GGH: variants seen among roughly 807,000 people sequenced by gnomAD.
GGH encodes the protein gamma-Glu-X carboxypeptidase.
GGH carries 18 observed loss-of-function variants against 39.2 expected under a neutral mutation model. The ratio of observed to expected loss-of-function variants is 0.46; its 90% confidence interval spans 0.32 to 0.68. The LOEUF is 0.68. GGH is among the 30% of genes least tolerant of loss of function. GGH has a pLI of 0.04. For synonymous variants in GGH, 147 were observed against 138.8 expected, an observed-to-expected ratio of 1.06 and a Z score of -0.42; for missense variants, 367 against 384.1, an observed-to-expected ratio of 0.96 and a Z score of 0.37.
rs758036190 is a variant in GGH, at chr8:63,035,709, A to T, written c.171T>A (p.Ala57=). Residue 57 remains alanine (A), a synonymous_variant, in exon 2 of 9, where the codon GCT becomes GCA. Coordinates refer to ENST00000260118, the MANE Select transcript of GGH (RefSeq NM_003878.3). ...VMKNYGRYYI[A]ASYVKYLESA... The stretch of plus-strand genomic sequence containing the variant: ...ACTCCAAGTACTTTACATAGGACGC[A>T]GCAATATAGTATCTTCCATAGTTTT... 1 of 1,613,738 alleles carries T rather than the reference A, an allele frequency of 6.2e-7. No homozygotes were observed. The highest frequency in any genetic ancestry group is 1.3e-5 in the African/African-American group (1 of 74,842).
intron 8 of GGH, among the ~76,000 whole-genome samples, chr8:63,017,092 G>A (rs367846996): frequency 6.6e-5 from 10 of 152,118 alleles, no homozygotes; most frequent in East Asian, 1.9e-4. Context: ...TCAGGATGCC[G>A]AGGCAGGAGG....
intron 7 of GGH, 100 bp downstream of exon 7, chr8:63,023,807 C>A: frequency 1.1e-6 from 1 of 912,140 alleles, no homozygotes; most frequent in South Asian, 3.4e-5. Flanking sequence ...CACCCCTCTT[C>A]AAGCCCCAAA....
intron 8 of GGH, among the ~76,000 whole-genome samples, 182 bp from the exon 9 acceptor site, chr8:63,015,635 A>G (rs1804473738): frequency 6.8e-6 from 1 of 146,246 alleles, no homozygotes; most frequent in African/African-American, 2.5e-5. Flanking sequence ...TAACAAACTT[A>G]CTTTCCAAAA....
chr8:63,021,204 T>G (rs1804578994), intron 7 of GGH, among the ~76,000 whole-genome samples: 1 of 152,222 alleles, frequency 6.6e-6, no homozygotes, highest in African/African-American at 2.4e-5. Flanking sequence ...GTCTTCATGA[T>G]TCATTCAGTG....
At chr8:63,034,188 C>T (rs1426687913) in intron 2 of GGH, among the ~76,000 whole-genome samples, 1 of 151,430 alleles carries the variant, frequency 6.6e-6, no homozygotes, top group African/African-American at 2.4e-5. Flanking sequence ...AAAACTCTGG[C>T]GTTATATGGG....
intron 5 of GGH, 141 bp from the exon 6 acceptor site, chr8:63,024,327 T>C (rs1563668081): frequency 1.6e-5 from 9 of 572,838 alleles, no homozygotes; most frequent in South Asian, 1.0e-4. Flanking sequence ...ATCATTTCCA[T>C]AGAAGTATTC....
chr8:63,015,642 A>AC (rs1491138010), intron 8 of GGH, among the ~76,000 whole-genome samples, 189 bp from the exon 9 acceptor site: 5 of 110,504 alleles, frequency 4.5e-5, no homozygotes, highest in Non-Finnish European at 9.4e-5. Context: ...CTTACTTTCC[A>AC]AAAAAAAAAA....
intron 7 of GGH, among the ~76,000 whole-genome samples, chr8:63,020,462 C>A (rs1236290833): frequency 1.3e-5 from 2 of 152,150 alleles, no homozygotes; most frequent in Non-Finnish European, 2.9e-5. Context: ...AGCTTTTCAT[C>A]TAGAGGGATG....
In GGH at chr8:63,036,158, T is replaced by C. The variant is rs546280243; in HGVS notation, c.110-388A>G. Among the ~76,000 whole-genome samples, 4 of 152,280 alleles carry C rather than the reference T, an allele frequency of 2.6e-5. No individual in the cohort carries two copies. In the South Asian group the frequency reaches 8.3e-4, roughly 32 times the overall value. On this transcript the variant is annotated intron_variant, in intron 1 of 8. Transcript: ENST00000260118. ...ACAACGAAGCAAAGGAGTGAAAACATCTTCCATCCACACCTCTCCAACATT... is the reference window on the plus strand; with the variant it reads ...ACAACGAAGCAAAGGAGTGAAAACACCTTCCATCCACACCTCTCCAACATT...
intron 1 of GGH, among the ~76,000 whole-genome samples, chr8:63,037,653 AT>A (rs1381025119): frequency 6.6e-6 from 1 of 152,134 alleles, no homozygotes; most frequent in Non-Finnish European, 1.5e-5. Flanking sequence ...TTTTTTAAAT[AT>A]TTGACGCAGG....
At chr8:63,035,026 C>T (rs753342864) in intron 2 of GGH, among the ~76,000 whole-genome samples, 6 of 151,916 alleles carry the variant, frequency 3.9e-5, no homozygotes, top group African/African-American at 1.5e-4. Context: ...TATCCCTCAC[C>T]CCGCCCCCCC....
At position 63,015,324 on chromosome 8, in the gene GGH, G is replaced by A. The variant is rs1300865164; in HGVS notation, c.*8C>T. 2.2e-6 allele frequency: 3 copies of A among 1,350,740 alleles called. No individual in the cohort carries two copies. Among genetic ancestry groups the A allele is most frequent in the South Asian group, 2.6e-5 (2 of 77,266 alleles). 83.7% of individuals were successfully genotyped at this position (1,350,740 alleles called of 1,614,324 possible). ...TTCAAATTTGCTCTGTTAACAAATT[G>A]AAGACTTTCAATCAAATATGTAACA... On this transcript the variant is annotated 3_prime_UTR_variant, in exon 9 of 9. Coordinates refer to ENST00000260118, the MANE Select transcript of GGH (RefSeq NM_003878.3).
intron 7 of GGH, among the ~76,000 whole-genome samples, chr8:63,023,011 C>T (rs966450333): frequency 6.6e-6 from 1 of 152,160 alleles, no homozygotes; most frequent in Non-Finnish European, 1.5e-5. Context: ...ATTCACAGTG[C>T]TTGCTTGTGC....
chr8:63,021,669 CTTTTTTTT>C (rs752057959), intron 7 of GGH, among the ~76,000 whole-genome samples: 1 of 93,312 alleles, frequency 1.1e-5, no homozygotes, highest in Non-Finnish European at 2.0e-5. Flanking sequence ...ATCTCATATC[CTTTTTTTT>C]TTTTTTTTTT....
chr8:63,020,564 C>T (rs1054871488), intron 7 of GGH, among the ~76,000 whole-genome samples: 2 of 152,076 alleles, frequency 1.3e-5, no homozygotes, highest in African/African-American at 4.8e-5. Flanking sequence ...GTAGAAAAGG[C>T]CTCTAGGGAT....
At chr8:63,018,062 C>G (rs1021402430) in intron 7 of GGH, 3 of 154,106 alleles carry the variant, frequency 1.9e-5, no homozygotes, top group African/African-American at 7.2e-5. Context: ...TCCTTTTACA[C>G]CCTGCCTAAA....
chr8:63,025,634 G>A (rs112804438), intron 5 of GGH, among the ~76,000 whole-genome samples: 3,317 of 152,240 alleles, frequency 0.022, 54 homozygotes, highest in Non-Finnish European at 0.034. Flanking sequence ...AGGGGGCTGA[G>A]GCAGGAGAAT....
chr8:63,029,281 C>T (rs57776226), intron 3 of GGH, among the ~76,000 whole-genome samples: 11,973 of 152,248 alleles, frequency 0.079, 483 homozygotes, highest in South Asian at 0.17. Context: ...ATGCTATACA[C>T]ACCATCACGT....
At chr8:63,029,690 T>C (rs1055342270) in intron 3 of GGH, among the ~76,000 whole-genome samples, 3 of 151,966 alleles carry the variant, frequency 2.0e-5, no homozygotes, top group African/African-American at 7.3e-5. Flanking sequence ...TATAAGCAAA[T>C]TTTCTGATCT....
Sources: gnomAD v4.1 joint callset for allele counts (sites outside exome capture counted in the v4.1 genomes callset) on GRCh38, gnomAD v4.1.1 for gene constraint, MANE v1.5 for transcripts, NCBI Gene and HGNC (gene_info 2026-07-23, HGNC 2026-07-21) for gene names.